The following COXFA4L2 variants were observed in gnomAD, a reference collection of about 807,000 sequenced individuals.
The protein encoded by COXFA4L2 is NADH dehydrogenase (ubiquinone) 1 alpha subcomplex, 4-like 2.
At chr12:57,236,881 A>G in the COXFA4L2 span, 6 of 1,158,944 alleles carry the variant, frequency 5.2e-6, no homozygotes, top group African/African-American at 1.5e-5. Context: ...TGTGGGACAC[A>G]GGGACGTTTC....
At chr12:57,236,667 G>GATC in the COXFA4L2 span, 1 of 1,568,410 alleles carries the variant, frequency 6.4e-7, no homozygotes, top group Non-Finnish European at 8.6e-7. Flanking sequence ...AGATTAAGCC[G>GATC]ATCATCGGGA....
chr12:57,236,569 G>T, the COXFA4L2 span: 1 of 1,545,806 alleles, frequency 6.5e-7, no homozygotes, highest in Non-Finnish European at 8.7e-7. Context: ...AGGCCCCCGT[G>T]AGCATCCCAA....
the COXFA4L2 span, chr12:57,236,599 T>C: frequency 1.3e-6 from 2 of 1,580,714 alleles, no homozygotes; most frequent in Non-Finnish European, 1.7e-6. Flanking sequence ...TTACCAGACG[T>C]CGGGGCTGCG....
the COXFA4L2 span, chr12:57,240,744 C>T: frequency 1.0e-6 from 1 of 985,544 alleles, no homozygotes; most frequent in Non-Finnish European, 1.2e-6. Flanking sequence ...CACACATACA[C>T]AGACCTGCAG....
At chr12:57,235,860 C>T in the COXFA4L2 span, 3 of 1,469,876 alleles carry the variant, frequency 2.0e-6, no homozygotes, top group East Asian at 4.7e-5. Flanking sequence ...GGACCCAGAA[C>T]TCTGTAACCC....
the COXFA4L2 span, chr12:57,237,093 T>C: frequency 2.5e-6 from 4 of 1,614,218 alleles, no homozygotes; most frequent in Non-Finnish European, 3.4e-6. Context: ...CATATCGTTG[T>C]TTTCCCAGTC....
the COXFA4L2 span, among the ~76,000 whole-genome samples, chr12:57,238,407 T>TG: frequency 0.05 from 7,561 of 150,332 alleles, 472 homozygotes; most frequent in African/African-American, 0.15. The surrounding 1 kb of genome is among the most constrained non-coding windows in gnomAD (Gnocchi z 6.8). Flanking sequence ...GCGATGTGTG[T>TG]GGGGGGGGCG....
the COXFA4L2 span, chr12:57,239,497 T>A: frequency 6.6e-6 from 1 of 152,278 alleles, no homozygotes; most frequent in Non-Finnish European, 1.5e-5. The surrounding 1 kb of genome is among the most constrained non-coding windows in gnomAD (Gnocchi z 5.5). Context: ...TCAGGCGGGT[T>A]CCTCTTCTGG....
the COXFA4L2 span, chr12:57,235,344 A>C: frequency 1.7e-6 from 1 of 596,262 alleles, no homozygotes; most frequent in South Asian, 2.0e-5. Context: ...CTCCTCCCCC[A>C]CGTGGGACTC....
the COXFA4L2 span, chr12:57,237,912 T>C: frequency 6.5e-6 from 1 of 154,462 alleles, no homozygotes; most frequent in Non-Finnish European, 1.5e-5. Flanking sequence ...ATCGGACAGA[T>C]GCTGAAAGAG....
chr12:57,237,073 T>C, the COXFA4L2 span: 5 of 1,613,960 alleles, frequency 3.1e-6, no homozygotes, highest in Non-Finnish European at 4.2e-6. Flanking sequence ...GCCCCAAGAC[T>C]GGCTCCTGCC....
At chr12:57,237,968 A>T in the COXFA4L2 span, 43 of 154,126 alleles carry the variant, frequency 2.8e-4, 1 homozygote, top group Admixed American at 2.5e-3. Flanking sequence ...TCCTGTCCTC[A>T]ACCATCTCAG....
the COXFA4L2 span, chr12:57,237,073 T>A: frequency 1.2e-6 from 2 of 1,613,960 alleles, no homozygotes; most frequent in African/African-American, 2.7e-5. Context: ...GCCCCAAGAC[T>A]GGCTCCTGCC....
chr12:57,235,901 C>G, the COXFA4L2 span: 3 of 1,193,586 alleles, frequency 2.5e-6, no homozygotes, highest in Non-Finnish European at 3.4e-6. Flanking sequence ...CCCGGAGGCT[C>G]TGGCCCCACC....
the COXFA4L2 span, chr12:57,239,756 T>A: frequency 6.5e-6 from 1 of 153,464 alleles, no homozygotes; most frequent in African/African-American, 2.4e-5. This position sits in a 1 kb window ranked among gnomAD's most constrained non-coding sequence, Gnocchi z 5.5. Context: ...CCTGGCTTTG[T>A]CCCTCTGCAT....
chr12:57,235,363 G>C, the COXFA4L2 span: 21 of 631,042 alleles, frequency 3.3e-5, no homozygotes, highest in African/African-American at 3.8e-4. Flanking sequence ...TCAAGCCAAG[G>C]GTCAGAGGCG....
chr12:57,235,453 G>A, the COXFA4L2 span: 1 of 1,195,326 alleles, frequency 8.4e-7, no homozygotes, highest in Non-Finnish European at 1.2e-6. Context: ...TGTGTAAGCA[G>A]TAGCGGGACA....
the COXFA4L2 span, chr12:57,235,835 A>C: frequency 6.6e-7 from 1 of 1,516,824 alleles, no homozygotes. Flanking sequence ...GGGGAGGGTT[A>C]GGGTCTCCTC....
the COXFA4L2 span, among the ~76,000 whole-genome samples, chr12:57,238,249 T>C: frequency 1.3e-5 from 2 of 152,028 alleles, no homozygotes; most frequent in Non-Finnish European, 2.9e-5. The surrounding 1 kb of genome is among the most constrained non-coding windows in gnomAD (Gnocchi z 6.8). Flanking sequence ...CCGCCTCCCT[T>C]TCCTTCTCGC....
Sources: gnomAD v4.1 joint callset for allele counts (sites outside exome capture counted in the v4.1 genomes callset) on GRCh38, gnomAD v4.1.1 for gene constraint, Gnocchi (gnomAD v3.1) non-coding constraint, MANE v1.5 for transcripts, NCBI Gene and HGNC (gene_info 2026-07-23, HGNC 2026-07-21) for gene names.